Variants in ITGA2 observed in about 807,000 individuals in gnomAD.
ITGA2 encodes the protein integrin subunit alpha 2.
Under a neutral mutation model 146.3 loss-of-function variants are expected in ITGA2, and 101 were observed. The observed-to-expected ratio is 0.69, with a 90% CI of 0.59 to 0.81. The LOEUF (loss-of-function observed/expected upper bound fraction) is 0.81. Among genes scored for constraint, ITGA2 ranks in the 40% least tolerant of loss-of-function variants. ITGA2 has a pLI of 0.00. For missense variants in ITGA2, 1,281 were observed against 1,402.7 expected (o/e 0.91, Z 1.39); for synonymous variants, 477 against 487.1 (o/e 0.98, Z 0.27).
intron 1 of ITGA2, among the ~76,000 whole-genome samples, chr5:52,996,809 C>T (rs1741282752): frequency 6.6e-6 from 1 of 152,124 alleles, no homozygotes; most frequent in East Asian, 1.9e-4. Flanking sequence ...TCCAGTTAAG[C>T]CTTCAATTCC....
In ITGA2 at chr5:53,090,059, G is replaced by A; in HGVS notation, c.3462G>A (p.Trp1154Ter). 1 of 1,574,736 alleles carries A rather than the reference G, an allele frequency of 6.4e-7. No individual in the cohort carries two copies. The highest frequency in any genetic ancestry group is 8.7e-7 in the Non-Finnish European group (1 of 1,144,268). ...LLLLALVAIL[W>*]KLGFFKRKYE... The stretch of plus-strand genomic sequence containing the variant: ...TGTTAGCTCTGGTTGCAATTTTATG[G>A]AAGGTAAGAAAAGCTTTATATTTTA... Residue 1154 changes from tryptophan (W) to a stop codon, truncating the protein, a stop_gained, in exon 29 of 30, where the codon TGG becomes TGA. Coordinates refer to ENST00000296585, the MANE Select transcript of ITGA2 (RefSeq NM_002203.4). LOFTEE classifies it high-confidence loss of function.
chr5:53,049,391 T>C (rs2910979), intron 6 of ITGA2, among the ~76,000 whole-genome samples: 1 of 152,238 alleles, frequency 6.6e-6, no homozygotes, highest in Non-Finnish European at 1.5e-5. Context: ...ATTCAATATG[T>C]ATTTTTATGT....
Position 53,026,748 on chromosome 5 carries a change from G to T in ITGA2, c.65G>T (p.Gly22Val). Residue 22 changes from glycine to valine, a missense_variant and splice_region_variant, in exon 2 of 30, where the codon GGC (glycine) becomes GTC (valine). Physicochemically the swap from Gly to Val is moderately radical, Grantham distance 109. Around this residue, in one of 3 missense-constraint regions of ITGA2, gnomAD observed 795 missense variants for 841.7 expected, o/e 0.94. Coordinates refer to ENST00000296585, the MANE Select transcript of ITGA2 (RefSeq NM_002203.4). ...PLLLVLALSQGILNCCLAYNV... is the reference protein window; with the variant it reads ...PLLLVLALSQVILNCCLAYNV... The stretch of plus-strand genomic sequence containing the variant: ...TGCTATTTCATATTTTTCTTAATAG[G>T]CATTTTAAATTGTTGTTTGGCCTAC... 1.9e-6 allele frequency: 3 copies of T among 1,607,590 alleles called. No individual in the cohort carries two copies. Among genetic ancestry groups the T allele is most frequent in the African/African-American group, 2.7e-5 (2 of 74,840 alleles).
rs562276796 is a variant in ITGA2, at chr5:53,065,708, C to A, written c.1807-133C>A. The A allele has an allele frequency of 4.2e-6, 5 of 1,179,562 alleles. No individual in the cohort carries two copies. The African/African-American group carries it at 6.2e-5, about 15-fold the overall frequency. 73.1% of individuals were successfully genotyped at this position (1,179,562 alleles called of 1,614,324 possible). A position where few individuals can be genotyped will look rare whatever the true frequency, so the allele number is the denominator to read the frequency against. ...AATAAGATGTGATTAAAAAATGAAT[C>A]TTTAGAATTTGTAGAGAATAAACAC... On this transcript the variant is annotated intron_variant, in intron 14 of 29. Transcript: ENST00000296585.
chr5:52,999,458 T>C (rs189071273), intron 1 of ITGA2, among the ~76,000 whole-genome samples: 1 of 152,136 alleles, frequency 6.6e-6, no homozygotes, highest in Admixed American at 6.5e-5. Context: ...TCACGGATGC[T>C]GCCACAAGAC....
chr5:53,072,586 G>A (rs373916627), intron 18 of ITGA2, 27 bp from the exon 19 acceptor site: 19 of 1,576,516 alleles, frequency 1.2e-5, no homozygotes, highest in African/African-American at 4.1e-5. Flanking sequence ...AAGAGCAAAT[G>A]TATGGATCTT....
chr5:53,080,191 A>T (rs1193181241), intron 24 of ITGA2, among the ~76,000 whole-genome samples: 1 of 152,132 alleles, frequency 6.6e-6, no homozygotes, highest in Non-Finnish European at 1.5e-5. Context: ...GTAGATGTTG[A>T]GTTTTTTTCC....
intron 2 of ITGA2, among the ~76,000 whole-genome samples, chr5:53,033,058 A>C (rs886143045): frequency 5.9e-5 from 9 of 152,200 alleles, no homozygotes; most frequent in South Asian, 2.1e-4. Context: ...ACTTGAGGTC[A>C]GGAGTTCGAG....
chr5:52,991,099 C>A (rs961219168), intron 1 of ITGA2, among the ~76,000 whole-genome samples: 2 of 152,082 alleles, frequency 1.3e-5, no homozygotes, highest in Non-Finnish European at 2.9e-5. Context: ...GAGACTTAAC[C>A]TGGAGTTAAT....
intron 6 of ITGA2, 29 bp from the exon 7 acceptor site, chr5:53,051,382 C>T: frequency 1.9e-6 from 3 of 1,604,228 alleles, no homozygotes; most frequent in Non-Finnish European, 2.6e-6. Context: ...GTAATGACAG[C>T]CCATTAATAA....
chr5:53,066,248 A>G (rs1396604856), intron 15 of ITGA2, among the ~76,000 whole-genome samples: 3 of 151,906 alleles, frequency 2.0e-5, no homozygotes, highest in Non-Finnish European at 2.9e-5. Flanking sequence ...TATCCAGGCT[A>G]TTTCTGAATG....
chr5:53,046,141 G>A (rs1215166023), intron 4 of ITGA2, among the ~76,000 whole-genome samples: 2 of 147,550 alleles, frequency 1.4e-5, no homozygotes, highest in African/African-American at 5.1e-5. Flanking sequence ...CATGCACTGA[G>A]CCGAGATCGT....
chr5:53,034,566 C>T (rs1743394821), intron 2 of ITGA2, among the ~76,000 whole-genome samples: 1 of 152,196 alleles, frequency 6.6e-6, no homozygotes, highest in East Asian at 1.9e-4. Context: ...AGATATGTTG[C>T]TCCAGAATGT....
chr5:53,072,072 G>A, intron 18 of ITGA2, 24 bp downstream of exon 18: 1 of 1,488,514 alleles, frequency 6.7e-7, no homozygotes, highest in Non-Finnish European at 9.4e-7. Context: ...ACACTTCCTG[G>A]ATTTAGACTG....
At chr5:53,040,921 T>C (rs1728652187) in intron 2 of ITGA2, among the ~76,000 whole-genome samples, 2 of 152,108 alleles carry the variant, frequency 1.3e-5, no homozygotes, top group African/African-American at 4.8e-5. Context: ...ATATTCCAGG[T>C]CATTTGGATT....
At chr5:53,053,587 A>G (rs1196277665) in intron 7 of ITGA2, among the ~76,000 whole-genome samples, 1 of 152,118 alleles carries the variant, frequency 6.6e-6, no homozygotes, top group Non-Finnish European at 1.5e-5. Flanking sequence ...GCCACTGTCC[A>G]TTGAGGAAGG....
intron 1 of ITGA2, among the ~76,000 whole-genome samples, chr5:53,012,039 G>A (rs1401469440): frequency 6.6e-6 from 1 of 152,118 alleles, no homozygotes; most frequent in African/African-American, 2.4e-5. Flanking sequence ...GAGCAGTAAA[G>A]GGTTATTTAT....
chr5:53,031,845 A>G (rs1743242734), intron 2 of ITGA2, among the ~76,000 whole-genome samples: 1 of 152,254 alleles, frequency 6.6e-6, no homozygotes, highest in African/African-American at 2.4e-5. Flanking sequence ...CTTCACACAC[A>G]GGATGTTCCA....
intron 2 of ITGA2, among the ~76,000 whole-genome samples, chr5:53,028,080 CA>C (rs371152982): frequency 1.2e-4 from 17 of 146,366 alleles, no homozygotes; most frequent in South Asian, 1.1e-3. Flanking sequence ...GATCCTGTCT[CA>C]AAAAAAAAAG....
Sources: allele counts gnomAD v4.1 joint callset (sites outside exome capture counted in the v4.1 genomes callset), GRCh38; gene constraint gnomAD v4.1.1; regional missense constraint gnomAD v4.1.1; transcripts MANE v1.5; gene names NCBI Gene and HGNC (gene_info 2026-07-23, HGNC 2026-07-21).